The following MAGI2 variants were observed in gnomAD, a reference collection of about 807,000 sequenced individuals.
The protein encoded by MAGI2 is membrane associated guanylate kinase, WW and PDZ domain containing 2.
MAGI2 carries 35 observed loss-of-function variants against 133.3 expected under a neutral mutation model. The observed-to-expected ratio is 0.26, with a 90% CI of 0.20 to 0.35. The LOEUF is 0.35. MAGI2 is among the 10% of genes least tolerant of loss of function. The pLI, the probability that MAGI2 is intolerant of heterozygous loss-of-function variation, is 1.00. For synonymous variants in MAGI2, 729 were observed against 710.6 expected, an observed-to-expected ratio of 1.03 and a Z score of -0.41; for missense variants, 1,636 against 1,863.4, an observed-to-expected ratio of 0.88 and a Z score of 2.25.
chr7:79,284,857 G>T (rs556138960), intron 1 of MAGI2, among the ~76,000 whole-genome samples: 22 of 152,162 alleles, frequency 1.4e-4, no homozygotes, highest in African/African-American at 4.8e-4. Context: ...TTTGTGCACA[G>T]CAGAGAAAAT....
chr7:78,361,248 G>T (rs1792758618), intron 7 of MAGI2, among the ~76,000 whole-genome samples: 1 of 152,108 alleles, frequency 6.6e-6, no homozygotes, highest in Non-Finnish European at 1.5e-5. Flanking sequence ...ACAAAAATTA[G>T]CCGGGTGTGG....
chr7:79,379,309 G>T (rs1255957278), intron 1 of MAGI2, among the ~76,000 whole-genome samples: 6 of 151,830 alleles, frequency 4.0e-5, no homozygotes, highest in African/African-American at 9.7e-5. Context: ...TTTTATGGCT[G>T]CATAGTATTC....
intron 2 of MAGI2, among the ~76,000 whole-genome samples, chr7:78,869,778 T>A (rs1794874578): frequency 6.6e-6 from 1 of 152,168 alleles, no homozygotes; most frequent in Non-Finnish European, 1.5e-5. Context: ...CCTACTAGGT[T>A]CCTCCCTCAA....
intron 3 of MAGI2, among the ~76,000 whole-genome samples, chr7:78,526,128 C>T (rs534200438): frequency 6.6e-6 from 1 of 152,256 alleles, no homozygotes; most frequent in African/African-American, 2.4e-5. Context: ...ATCTCTTTGA[C>T]TTAAGAACCT....
intron 1 of MAGI2, among the ~76,000 whole-genome samples, chr7:79,247,476 G>A (rs914568204): frequency 6.6e-6 from 1 of 151,986 alleles, no homozygotes; most frequent in Non-Finnish European, 1.5e-5. Context: ...CGCCATGCAT[G>A]GTGGCACGTA....
chr7:78,957,506 A>G lies in MAGI2; in HGVS notation c.418+49584T>C, dbSNP rs377294510. Reference sequence around the variant, plus strand: ...ACTATATGTAATCGTAAGTACATACATAAATTTACTATATGTATATGTAAG... The same window carrying G: ...ACTATATGTAATCGTAAGTACATACGTAAATTTACTATATGTATATGTAAG... On this transcript the variant is annotated intron_variant, in intron 2 of 21. Coordinates refer to ENST00000354212, the MANE Select transcript of MAGI2 (RefSeq NM_012301.4). Among the ~76,000 whole-genome samples, 21 of 152,260 alleles carry G rather than the reference A, an allele frequency of 1.4e-4. 1 individual carries two copies. Among genetic ancestry groups the G allele is most frequent in the East Asian group, 1.2e-3 (6 of 5,174 alleles).
At chr7:79,150,228 T>A (rs1267393164) in intron 1 of MAGI2, among the ~76,000 whole-genome samples, 1 of 150,214 alleles carries the variant, frequency 6.7e-6, no homozygotes, top group African/African-American at 2.4e-5. Context: ...GTACATTTTC[T>A]TTTCCTAAAT....
intron 1 of MAGI2, among the ~76,000 whole-genome samples, chr7:79,269,083 A>C (rs562996639): frequency 6.6e-6 from 1 of 152,346 alleles, no homozygotes; most frequent in Admixed American, 6.5e-5. Flanking sequence ...TTGGAAGTCA[A>C]ATCCCCAGCT....
At chr7:78,460,332 G>A (rs534521377) in intron 6 of MAGI2, among the ~76,000 whole-genome samples, 51 of 152,294 alleles carry the variant, frequency 3.3e-4, no homozygotes, top group African/African-American at 1.2e-3. Flanking sequence ...ATTAGAAAAA[G>A]AATTCTACAT....
chr7:78,699,591 C>T (rs1402889399), intron 2 of MAGI2, among the ~76,000 whole-genome samples: 1 of 151,958 alleles, frequency 6.6e-6, no homozygotes, highest in African/African-American at 2.4e-5. Flanking sequence ...ACTTCTAGGC[C>T]CAAGCATTCA....
At chr7:78,658,517 T>G (rs189356765) in intron 2 of MAGI2, among the ~76,000 whole-genome samples, 1 of 152,204 alleles carries the variant, frequency 6.6e-6, no homozygotes, top group African/African-American at 2.4e-5. Context: ...AAGACTCTGT[T>G]AAGAGCACGA....
chr7:78,034,753 C>G (rs921492980), intron 21 of MAGI2, among the ~76,000 whole-genome samples: 4 of 152,150 alleles, frequency 2.6e-5, no homozygotes, highest in African/African-American at 7.2e-5. Flanking sequence ...GTCTTGAACT[C>G]TTGACCTCAA....
chr7:78,853,571 G>C (rs1193394673), intron 2 of MAGI2, among the ~76,000 whole-genome samples: 2 of 151,326 alleles, frequency 1.3e-5, no homozygotes, highest in African/African-American at 2.4e-5. Flanking sequence ...GCCCAGACTG[G>C]TCTCAAACTC....
chr7:79,335,813 G>GTTAA (rs1282953548), intron 1 of MAGI2, among the ~76,000 whole-genome samples: 1 of 152,016 alleles, frequency 6.6e-6, no homozygotes, highest in East Asian at 1.9e-4. Context: ...TAGTTTGGAA[G>GTTAA]TTAATTAGGC....
At chr7:79,449,595 CTT>C (rs906252662) in intron 1 of MAGI2, among the ~76,000 whole-genome samples, 3 of 151,846 alleles carry the variant, frequency 2.0e-5, no homozygotes, top group African/African-American at 7.3e-5. Context: ...ACTCAAAAAA[CTT>C]TCTTCAACTG....
intron 9 of MAGI2, among the ~76,000 whole-genome samples, chr7:78,296,357 G>C (rs1206006078): frequency 1.3e-5 from 2 of 152,098 alleles, no homozygotes; most frequent in Middle Eastern, 3.2e-3. Context: ...TAGGCCTCTG[G>C]AGTTTCTGTT....
chr7:78,983,695 G>A (rs1324444886), intron 2 of MAGI2, among the ~76,000 whole-genome samples: 1 of 151,794 alleles, frequency 6.6e-6, no homozygotes, highest in East Asian at 1.9e-4. Context: ...TGACCAATCA[G>A]CAATATTTGT....
intron 1 of MAGI2, among the ~76,000 whole-genome samples, chr7:79,192,786 A>G (rs1036606468): frequency 1.3e-5 from 2 of 151,882 alleles, no homozygotes; most frequent in Admixed American, 6.6e-5. Context: ...TCCAACTGAA[A>G]TGGGTAGGCT....
chr7:78,028,550 T>A (rs1334623022), intron 21 of MAGI2, among the ~76,000 whole-genome samples: 3 of 152,036 alleles, frequency 2.0e-5, no homozygotes, highest in Non-Finnish European at 4.4e-5. Flanking sequence ...CTCCTAACAG[T>A]TCAAAGAACT....
Sources: gnomAD v4.1 joint callset for allele counts (sites outside exome capture counted in the v4.1 genomes callset) on GRCh38, gnomAD v4.1.1 for gene constraint, MANE v1.5 for transcripts, NCBI Gene and HGNC (gene_info 2026-07-23, HGNC 2026-07-21) for gene names.